The following ITPK1 variants were observed in gnomAD, a reference collection of about 807,000 sequenced individuals.
The protein encoded by ITPK1 is inositol-tetrakisphosphate 1-kinase.
Under a neutral mutation model 45.3 loss-of-function variants are expected in ITPK1, and 21 were observed. The observed-to-expected ratio is 0.46, with a 90% CI of 0.33 to 0.67. ITPK1 has a LOEUF of 0.67. Ranked by LOEUF, ITPK1 falls within the 30% of genes least tolerant of loss-of-function variation. The pLI, the probability that ITPK1 is intolerant of heterozygous loss-of-function variation, is 0.02. For missense variants in ITPK1, 474 were observed against 573.5 expected, an observed-to-expected ratio of 0.83 and a Z score of 1.77; for synonymous variants, 258 against 253.6, an observed-to-expected ratio of 1.02 and a Z score of -0.16.
chr14:93,061,240 A>T (rs1367853695), intron 3 of ITPK1, among the ~76,000 whole-genome samples: 1 of 152,224 alleles, frequency 6.6e-6, no homozygotes, highest in Non-Finnish European at 1.5e-5. Context: ...TTGACACTGT[A>T]TCTCAATTAC....
chr14:93,060,585 T>C (rs1890475956), intron 3 of ITPK1, among the ~76,000 whole-genome samples: 1 of 152,088 alleles, frequency 6.6e-6, no homozygotes, highest in Admixed American at 6.5e-5. Context: ...AAAAGGCCCA[T>C]GCTTGCAAGG....
At chr14:93,096,491 G>A (rs570652437) in intron 2 of ITPK1, among the ~76,000 whole-genome samples, 1 of 152,346 alleles carries the variant, frequency 6.6e-6, no homozygotes, top group East Asian at 1.9e-4. Flanking sequence ...GGCCTGGCAC[G>A]GAGGGAGGCC....
intron 3 of ITPK1, among the ~76,000 whole-genome samples, chr14:93,046,307 G>A (rs1033649587): frequency 3.3e-5 from 5 of 152,172 alleles, no homozygotes; most frequent in Admixed American, 6.5e-5. Context: ...TTCTGAGGAG[G>A]TAGAAACTGA....
intron 3 of ITPK1, chr14:93,066,218 C>T (rs1389893486): frequency 6.6e-6 from 3 of 455,668 alleles, no homozygotes; most frequent in Admixed American, 2.4e-5. Flanking sequence ...GGCCAGACCA[C>T]GTGCTCCTCA....
At chr14:93,060,968 T>C (rs1179930527) in intron 3 of ITPK1, among the ~76,000 whole-genome samples, 1 of 152,126 alleles carries the variant, frequency 6.6e-6, no homozygotes, top group Non-Finnish European at 1.5e-5. Context: ...AGGATTTTGG[T>C]TCAAGGTCAG....
intron 2 of ITPK1, among the ~76,000 whole-genome samples, chr14:93,095,631 T>C (rs1239863244): frequency 1.3e-5 from 2 of 148,406 alleles, no homozygotes; most frequent in Admixed American, 1.4e-4. Flanking sequence ...GGGGTACATG[T>C]GCAGGTTTGT....
chr14:93,018,512 T>C (rs1238658902), intron 3 of ITPK1, among the ~76,000 whole-genome samples: 1 of 152,122 alleles, frequency 6.6e-6, no homozygotes, highest in Non-Finnish European at 1.5e-5. Flanking sequence ...AGGAAAGATG[T>C]TAAGGGATTT....
At chr14:93,005,700 G>A (rs1197486174) in intron 4 of ITPK1, among the ~76,000 whole-genome samples, 2 of 152,164 alleles carry the variant, frequency 1.3e-5, no homozygotes, top group African/African-American at 2.4e-5. Flanking sequence ...TGCAGAATGC[G>A]CAAACTCAGC....
At chr14:93,054,649 G>A (rs1162710711) in intron 3 of ITPK1, among the ~76,000 whole-genome samples, 1 of 152,216 alleles carries the variant, frequency 6.6e-6, no homozygotes, top group Non-Finnish European at 1.5e-5. Flanking sequence ...TTCTCACCAG[G>A]TGGTTCATCC....
At position 92,937,836 on chromosome 14, in the gene ITPK1, G is replaced by A. The variant is rs949352486; in HGVS notation, c.*3725C>T. On this transcript the variant is annotated 3_prime_UTR_variant, in exon 11 of 11. Transcript: ENST00000267615. The stretch of plus-strand genomic sequence containing the variant: ...TGCCTCCCGGTCACCAGGCTGGAGG[G>A]GTCGTGCTCCTTTAGGGCAGCCAGC... The A allele has an allele frequency of 3.9e-5, 6 of 152,766 alleles. No individual in the cohort carries two copies. The highest frequency in any genetic ancestry group is 2.0e-4 in the Admixed American group (3 of 15,324). 9.5% of individuals were successfully genotyped at this position (152,766 alleles called of 1,614,324 possible).
At chr14:93,078,510 A>G (rs1281552613) in intron 2 of ITPK1, among the ~76,000 whole-genome samples, 1 of 152,156 alleles carries the variant, frequency 6.6e-6, no homozygotes, top group Non-Finnish European at 1.5e-5. Flanking sequence ...CAGTTTGAGA[A>G]CCACCCTGGT....
chr14:93,083,474 G>A (rs534292130), intron 2 of ITPK1, among the ~76,000 whole-genome samples: 23 of 152,306 alleles, frequency 1.5e-4, no homozygotes, highest in Non-Finnish European at 3.1e-4. Context: ...AAGGTTCTAC[G>A]GAGAACAACT....
chr14:93,034,933 C>T lies in ITPK1; in HGVS notation c.121-18132G>A, dbSNP rs1595156592. 6.6e-6 allele frequency among the ~76,000 whole-genome samples: 1 copy of T among 152,382 alleles called. No individual in the cohort carries two copies. On this transcript the variant is annotated intron_variant, in intron 3 of 10. Transcript: ENST00000267615. This position sits in a 1 kb window ranked among gnomAD's most constrained non-coding sequence, Gnocchi z 4.1. ...GCCTGGCAGGCCTTCCCTTCTCCAGCCCCACCCCAGGTAGCACTGACGGGC... is the reference window on the plus strand; with the variant it reads ...GCCTGGCAGGCCTTCCCTTCTCCAGTCCCACCCCAGGTAGCACTGACGGGC...
intron 5 of ITPK1, among the ~76,000 whole-genome samples, chr14:92,983,311 T>C (rs117045404): frequency 0.025 from 3,846 of 152,256 alleles, 75 homozygotes; most frequent in Non-Finnish European, 0.039. Flanking sequence ...TCCCAAAACA[T>C]GGCAGCCTTT....
intron 2 of ITPK1, among the ~76,000 whole-genome samples, chr14:93,106,843 C>G (rs1398535755): frequency 2.0e-5 from 3 of 152,178 alleles, no homozygotes; most frequent in Non-Finnish European, 2.9e-5. Flanking sequence ...CCATCTCCCC[C>G]ACCCCTGGGG....
At chr14:93,084,114 G>A (rs1199712076) in intron 2 of ITPK1, among the ~76,000 whole-genome samples, 2 of 152,292 alleles carry the variant, frequency 1.3e-5, no homozygotes, top group South Asian at 2.1e-4. Context: ...TGCCAGCACC[G>A]AGGCCTCCCT....
At chr14:92,970,041 C>A (rs892676113) in intron 5 of ITPK1, among the ~76,000 whole-genome samples, 32 of 152,134 alleles carry the variant, frequency 2.1e-4, no homozygotes, top group African/African-American at 7.2e-4. Context: ...GGCTGGCCTC[C>A]CGCGTCACAC....
intron 9 of ITPK1, among the ~76,000 whole-genome samples, chr14:92,949,414 AGCCTCCTG>A (rs1887852217): frequency 6.6e-6 from 1 of 152,152 alleles, no homozygotes; most frequent in South Asian, 2.1e-4. Flanking sequence ...AGCTTTTCTG[AGCCTCCTG>A]GGTCACTCTT....
At chr14:93,031,149 G>GGCCT (rs1169394358) in intron 3 of ITPK1, among the ~76,000 whole-genome samples, 1 of 152,130 alleles carries the variant, frequency 6.6e-6, no homozygotes, top group East Asian at 1.9e-4. Flanking sequence ...ATGAATCCAA[G>GGCCT]GCCTCTCTAA....
Sources: allele counts gnomAD v4.1 joint callset (sites outside exome capture counted in the v4.1 genomes callset), GRCh38; gene constraint gnomAD v4.1.1; non-coding constraint Gnocchi (gnomAD v3.1); transcripts MANE v1.5; gene names NCBI Gene and HGNC (gene_info 2026-07-23, HGNC 2026-07-21).